The following CRMP1 variants were observed in gnomAD, a reference collection of about 807,000 sequenced individuals.
The protein encoded by CRMP1 is dihydropyrimidinase-related protein 1.
CRMP1 carries 19 observed loss-of-function variants against 68.3 expected under a neutral mutation model. The ratio of observed to expected loss-of-function variants is 0.28; its 90% CI spans 0.19 to 0.41. The LOEUF (loss-of-function observed/expected upper bound fraction) is 0.41, where lower values mean the gene tolerates loss of function less well. Ranked by LOEUF, CRMP1 falls within the 10% of genes least tolerant of loss-of-function variation. The pLI, the probability that CRMP1 is intolerant of heterozygous loss-of-function variation, is 1.00. For missense variants in CRMP1, 791 were observed against 967.4 expected, an observed-to-expected ratio of 0.82 and a Z score of 2.42; for synonymous variants, 439 against 399.6, an observed-to-expected ratio of 1.10 and a Z score of -1.18.
At chr4:5,836,718 C>T in intron 10 of CRMP1, 47 bp downstream of exon 10, 1 of 1,613,654 alleles carries the variant, frequency 6.2e-7, no homozygotes, top group Non-Finnish European at 8.5e-7. Context: ...TTTCACAGGG[C>T]AGGTAGAGTG....
At position 5,825,770 on chromosome 4, in the gene CRMP1, G is replaced by C; in HGVS notation, c.1804-111C>G. On this transcript the variant is annotated intron_variant, in intron 12 of 13. Coordinates refer to ENST00000324989, the MANE Select transcript of CRMP1 (RefSeq NM_001014809.3). The surrounding 1 kb of genome is among the most constrained non-coding windows in gnomAD (Gnocchi z 4.4). ...AGAGAAACCTGAGGTCACTTCAAATGTGCATGCACACACACACACAACACG... is the reference window on the plus strand; with the variant it reads ...AGAGAAACCTGAGGTCACTTCAAATCTGCATGCACACACACACACAACACG... 9.6e-7 allele frequency: 1 copy of C among 1,043,202 alleles called. No homozygotes were observed. Among genetic ancestry groups the C allele is most frequent in the Non-Finnish European group, 1.4e-6 (1 of 712,858 alleles). 64.6% of individuals were successfully genotyped at this position (1,043,202 alleles called of 1,614,324 possible). A position where few individuals can be genotyped will look rare whatever the true frequency, so the allele number is the denominator to read the frequency against.
chr4:5,825,665 C>T lies in CRMP1; in HGVS notation c.1804-6G>A. The T allele has an allele frequency of 1.2e-6, 2 of 1,612,502 alleles. No homozygotes were observed. The highest frequency in any genetic ancestry group is 2.2e-5 in the East Asian group (1 of 44,724). ...ACCCCTTGCAATCCAAAAACCTAAA[C>T]AGAGGAAGGGAGAGTGTGATTGATC... On this transcript the variant is annotated splice_polypyrimidine_tract_variant and splice_region_variant and intron_variant, in intron 12 of 13. Coordinates refer to ENST00000324989, the MANE Select transcript of CRMP1 (RefSeq NM_001014809.3). This position sits in a 1 kb window ranked among gnomAD's most constrained non-coding sequence, Gnocchi z 4.4.
intron 13 of CRMP1, chr4:5,824,575 C>A (rs1418307836): frequency 1.0e-6 from 1 of 969,882 alleles, no homozygotes; most frequent in Non-Finnish European, 1.2e-6. Flanking sequence ...GGTCCATTGA[C>A]CAAATCCGGC....
At chr4:5,868,700 G>T (rs551669559) in intron 1 of CRMP1, among the ~76,000 whole-genome samples, 1 of 152,256 alleles carries the variant, frequency 6.6e-6, no homozygotes, top group African/African-American at 2.4e-5. Context: ...TTACTGAAGT[G>T]ATTTTCTGTT....
rs1008271673 is a variant in CRMP1, at chr4:5,825,479, A to C, written c.1969+15T>G. On this transcript the variant is annotated intron_variant, in intron 13 of 13. Transcript: ENST00000324989. The surrounding 1 kb of genome is among the most constrained non-coding windows in gnomAD (Gnocchi z 4.4). The stretch of plus-strand genomic sequence containing the variant: ...GCTGCAATTGTGGGGAGCCTGGGCC[A>C]CCACTCTTTCCTACCTGATAAGCTG... 6 of 1,555,442 alleles carry C rather than the reference A, an allele frequency of 3.9e-6. No homozygotes were observed. The highest frequency in any genetic ancestry group is 1.4e-5 in the African/African-American group (1 of 71,330).
Position 5,834,585 on chromosome 4 carries a change from CTATT to C in CRMP1, c.1623+1326_1623+1329del, listed in dbSNP as rs558715762. 8.6e-4 allele frequency among the ~76,000 whole-genome samples: 131 copies of C among 152,248 alleles called. 1 individual carries two copies. The highest frequency in any genetic ancestry group is 3.0e-3 in the African/African-American group (124 of 41,504). On this transcript the variant is annotated intron_variant, in intron 11 of 13. Transcript: ENST00000324989. The surrounding 1 kb of genome is among the most constrained non-coding windows in gnomAD (Gnocchi z 4.3). Reference sequence around the variant, plus strand: ...TTATAAATTACCCAGTCTGTGGTATCTATTACAGTAGCACAAAATGGACCAAGAC... The same window carrying C: ...TTATAAATTACCCAGTCTGTGGTATCACAGTAGCACAAAATGGACCAAGAC...
At position 5,841,514 on chromosome 4, in the gene CRMP1, C is replaced by A; in HGVS notation, c.1033-86G>T. 6.3e-7 allele frequency: 1 copy of A among 1,575,562 alleles called. No individual in the cohort carries two copies. The highest frequency in any genetic ancestry group is 1.2e-5 in the South Asian group (1 of 84,244). On this transcript the variant is annotated intron_variant, in intron 7 of 13. Coordinates refer to ENST00000324989, the MANE Select transcript of CRMP1 (RefSeq NM_001014809.3). The surrounding 1 kb of genome is among the most constrained non-coding windows in gnomAD (Gnocchi z 6.9). The stretch of plus-strand genomic sequence containing the variant: ...TCCATTTTCCTTAATTGAATGTGAT[C>A]AGAAGGGAAATCTGCTCCATTGAAT...
chr4:5,837,792 GC>G (rs1284454506), intron 9 of CRMP1, among the ~76,000 whole-genome samples: 3 of 152,210 alleles, frequency 2.0e-5, no homozygotes, highest in Non-Finnish European at 2.9e-5. Context: ...GTTAGCAATT[GC>G]CTAGATGCAG....
Position 5,860,175 on chromosome 4 carries a change from C to A in CRMP1, c.655+851G>T, listed in dbSNP as rs1010465528. Among the ~76,000 whole-genome samples, 1 of 152,064 alleles carries A rather than the reference C, an allele frequency of 6.6e-6. No homozygotes were observed. The highest frequency in any genetic ancestry group is 2.4e-5 in the African/African-American group (1 of 41,396). ...AGTGTGCTCCTGTCAACTTTGGGCTCGGCCACATGACTGACCTTGGCCAAT... is the reference window on the plus strand; with the variant it reads ...AGTGTGCTCCTGTCAACTTTGGGCTAGGCCACATGACTGACCTTGGCCAAT... On this transcript the variant is annotated intron_variant, in intron 3 of 13. Coordinates refer to ENST00000324989, the MANE Select transcript of CRMP1 (RefSeq NM_001014809.3). This position sits in a 1 kb window ranked among gnomAD's most constrained non-coding sequence, Gnocchi z 4.2.
intron 1 of CRMP1, chr4:5,887,786 G>A (rs1715700164): frequency 3.0e-6 from 3 of 988,764 alleles, no homozygotes; most frequent in East Asian, 1.1e-4. Flanking sequence ...CTCCTCCAGC[G>A]GGGGAGGTAC....
At chr4:5,869,633 G>T (rs1470375314) in intron 1 of CRMP1, among the ~76,000 whole-genome samples, 1 of 147,484 alleles carries the variant, frequency 6.8e-6, no homozygotes, top group Admixed American at 6.9e-5. Flanking sequence ...GCAGTGAGCC[G>T]AGATAGCGCC....
At position 5,841,540 on chromosome 4, in the gene CRMP1, GA is replaced by G; in HGVS notation, c.1033-113del. 2 of 1,516,892 alleles carry G rather than the reference GA, an allele frequency of 1.3e-6. No homozygotes were observed. The highest frequency in any genetic ancestry group is 2.5e-5 in the South Asian group (2 of 79,948). 94.0% of individuals were successfully genotyped at this position (1,516,892 alleles called of 1,614,324 possible). A position where few individuals can be genotyped will look rare whatever the true frequency, so the allele number is the denominator to read the frequency against. ...AGAAGGGAAATCTGCTCCATTGAAT[GA>G]GAAGGACATACTGAGTCCAACAGCG... On this transcript the variant is annotated intron_variant, in intron 7 of 13. Transcript: ENST00000324989. The surrounding 1 kb of genome is among the most constrained non-coding windows in gnomAD (Gnocchi z 6.9).
In CRMP1 at chr4:5,881,448, G is replaced by A. The variant is rs1239806246; in HGVS notation, c.381+11141C>T. Among the ~76,000 whole-genome samples, 1 of 152,168 alleles carries A rather than the reference G, an allele frequency of 6.6e-6. No homozygotes were observed. ...AAAGACCTAAAATTACACCAGGTAA[G>A]TCTGCAACCATCACCATGCCCTCCC... is the stretch of plus-strand genomic sequence containing the variant. On this transcript the variant is annotated intron_variant, in intron 1 of 13. Transcript: ENST00000324989. This position sits in a 1 kb window ranked among gnomAD's most constrained non-coding sequence, Gnocchi z 4.6.
chr4:5,848,157 T>C (rs558564184), intron 6 of CRMP1, among the ~76,000 whole-genome samples: 1 of 152,158 alleles, frequency 6.6e-6, no homozygotes, highest in East Asian at 1.9e-4. Context: ...ATTTTTTTTT[T>C]TTTTTGAGAC....
rs1290130560 is a variant in CRMP1, at chr4:5,825,962, A to G, written c.1804-303T>C. 9.3e-6 allele frequency: 4 copies of G among 430,036 alleles called. No individual in the cohort carries two copies. The highest frequency in any genetic ancestry group is 1.7e-5 in the Non-Finnish European group (4 of 241,300). The allele number at this position is 430,036 out of a possible 1,614,324, so 26.6% of individuals were successfully genotyped here. Reference sequence around the variant, plus strand: ...GTCATGCACACATATATGCATGCACATGCAGTAACAAAACAGGCCTACACA... The same window carrying G: ...GTCATGCACACATATATGCATGCACGTGCAGTAACAAAACAGGCCTACACA... On this transcript the variant is annotated intron_variant, in intron 12 of 13. Transcript: ENST00000324989. The surrounding 1 kb of genome is among the most constrained non-coding windows in gnomAD (Gnocchi z 4.4).
chr4:5,892,498 C>T lies in CRMP1; in HGVS notation c.381+91G>A. 1 of 1,119,976 alleles carries T rather than the reference C, an allele frequency of 8.9e-7. No homozygotes were observed. The highest frequency in any genetic ancestry group is 1.1e-6 in the Non-Finnish European group (1 of 911,600). 69.4% of individuals were successfully genotyped at this position (1,119,976 alleles called of 1,614,324 possible). Reference sequence around the variant, plus strand: ...AGCCTGGCGGCCGCTGCCCCAACACCGGGGCCCGGGCATGGCCCTCGGGCG... The same window carrying T: ...AGCCTGGCGGCCGCTGCCCCAACACTGGGGCCCGGGCATGGCCCTCGGGCG... On this transcript the variant is annotated intron_variant, in intron 1 of 13. Coordinates refer to ENST00000324989, the MANE Select transcript of CRMP1 (RefSeq NM_001014809.3). This position sits in a 1 kb window ranked among gnomAD's most constrained non-coding sequence, Gnocchi z 8.6.
intron 11 of CRMP1, among the ~76,000 whole-genome samples, chr4:5,830,024 T>C (rs886966372): frequency 2.0e-5 from 3 of 152,236 alleles, no homozygotes; most frequent in African/African-American, 7.2e-5. Context: ...TCTATGTATA[T>C]TAAACTCCTG....
Position 5,888,149 on chromosome 4 carries a change from C to T in CRMP1, c.381+4440G>A. The T allele has an allele frequency of 8.2e-7, 1 of 1,226,300 alleles. No individual in the cohort carries two copies. The highest frequency in any genetic ancestry group is 1.0e-6 in the Non-Finnish European group (1 of 982,852). The allele number at this position is 1,226,300 out of a possible 1,614,324, so 76.0% of individuals were successfully genotyped here. On this transcript the variant is annotated intron_variant, in intron 1 of 13. Coordinates refer to ENST00000324989, the MANE Select transcript of CRMP1 (RefSeq NM_001014809.3). This position sits in a 1 kb window ranked among gnomAD's most constrained non-coding sequence, Gnocchi z 6.4. ...TCGGGGGGCGCCCCTGCCGGCGCCC[C>T]GTGGATCTGGACCCTGCCGGGCGCC...
chr4:5,888,252 GC>G lies in CRMP1; in HGVS notation c.381+4336del. 1 of 1,289,462 alleles carries G rather than the reference GC, an allele frequency of 7.8e-7. No individual in the cohort carries two copies. The highest frequency in any genetic ancestry group is 9.9e-7 in the Non-Finnish European group (1 of 1,012,022). The allele number at this position is 1,289,462 out of a possible 1,614,324, so 79.9% of individuals were successfully genotyped here. A position where few individuals can be genotyped will look rare whatever the true frequency, so the allele number is the denominator to read the frequency against. On this transcript the variant is annotated intron_variant, in intron 1 of 13. Transcript: ENST00000324989. The surrounding 1 kb of genome is among the most constrained non-coding windows in gnomAD (Gnocchi z 6.4). Reference sequence around the variant, plus strand: ...CCGTGATGTGCGGGATGCTCTTCTTGCCCTGGTACGACATGGCCCCCTCTGG... The same window carrying G: ...CCGTGATGTGCGGGATGCTCTTCTTGCCTGGTACGACATGGCCCCCTCTGG...
Sources: gnomAD v4.1 joint callset for allele counts (sites outside exome capture counted in the v4.1 genomes callset) on GRCh38, gnomAD v4.1.1 for gene constraint, Gnocchi (gnomAD v3.1) non-coding constraint, MANE v1.5 for transcripts, NCBI Gene and HGNC (gene_info 2026-07-23, HGNC 2026-07-21) for gene names.